COL22A1: variants seen among roughly 807,000 people sequenced by gnomAD.
COL22A1 encodes collagen type XXII alpha 1 chain.
Under a neutral mutation model 248.9 loss-of-function variants are expected in COL22A1, and 221 were observed. The observed-to-expected ratio is 0.89, with a 90% CI of 0.80 to 0.99. COL22A1 has a LOEUF of 0.99. Among genes scored for constraint, COL22A1 ranks in the 50% least tolerant of loss-of-function variants. The probability of loss-of-function intolerance (pLI) is 0.00; values close to 1 mark genes in which losing one functional copy is unlikely to be tolerated. For synonymous variants in COL22A1, 891 were observed against 793.4 expected (o/e 1.12, Z -2.07); for missense variants, 2,240 against 2,179.0 (o/e 1.03, Z -0.56).
At chr8:138,771,293 C>T (rs780485083) in intron 16 of COL22A1, among the ~76,000 whole-genome samples, 3 of 152,220 alleles carry the variant, frequency 2.0e-5, no homozygotes, top group Non-Finnish European at 2.9e-5. Context: ...AGGGGAAATA[C>T]GCCAGCATTC....
At chr8:138,653,065 C>A (rs1314892119) in intron 45 of COL22A1, among the ~76,000 whole-genome samples, 11 of 152,084 alleles carry the variant, frequency 7.2e-5, no homozygotes, top group Admixed American at 7.2e-4. Flanking sequence ...CTATTTTCAA[C>A]AAACTCAGCT....
At chr8:138,624,445 G>A (rs774097937) in intron 51 of COL22A1, among the ~76,000 whole-genome samples, 12 of 152,140 alleles carry the variant, frequency 7.9e-5, no homozygotes, top group Non-Finnish European at 1.6e-4. Flanking sequence ...GAAGTAACAT[G>A]ATCAGATTTC....
intron 1 of COL22A1, among the ~76,000 whole-genome samples, chr8:138,905,480 T>C (rs1039742417): frequency 5.3e-5 from 8 of 152,162 alleles, no homozygotes; most frequent in Non-Finnish European, 1.0e-4. Flanking sequence ...GAGCTCTGTT[T>C]CATACCGGGA....
chr8:138,677,631 A>C (rs1157626580), intron 40 of COL22A1, among the ~76,000 whole-genome samples: 1 of 152,264 alleles, frequency 6.6e-6, no homozygotes, highest in Non-Finnish European at 1.5e-5. Context: ...TTGTGTGTTG[A>C]AAATTTACAT....
chr8:138,796,585 A>C (rs1410164025), intron 12 of COL22A1, among the ~76,000 whole-genome samples: 2 of 151,166 alleles, frequency 1.3e-5, no homozygotes, highest in Non-Finnish European at 3.0e-5. Flanking sequence ...TCAATTCTCA[A>C]CCACCATTTT....
intron 10 of COL22A1, 56 bp from the exon 11 acceptor site, chr8:138,802,990 GCA>G: frequency 7.3e-7 from 1 of 1,367,704 alleles, no homozygotes; most frequent in South Asian, 1.2e-5. Flanking sequence ...CAGGGCTCTT[GCA>G]CACACAGGAC....
intron 5 of COL22A1, chr8:138,828,018 T>C (rs1216446684): frequency 6.6e-6 from 1 of 151,698 alleles, no homozygotes; most frequent in East Asian, 2.0e-4. Flanking sequence ...TCTCCCCATC[T>C]GCTTGACTCA....
At chr8:138,767,766 T>G (rs1038553400) in intron 16 of COL22A1, among the ~76,000 whole-genome samples, 2 of 152,128 alleles carry the variant, frequency 1.3e-5, no homozygotes, top group Admixed American at 1.3e-4. Flanking sequence ...GGCCACTTGC[T>G]GCGGTTCTGA....
chr8:138,807,747 C>G (rs770940880), intron 10 of COL22A1, 21 bp downstream of exon 10: 1 of 1,612,616 alleles, frequency 6.2e-7, no homozygotes, highest in South Asian at 1.1e-5. Context: ...TAAACTACAC[C>G]TCTGCCATGC....
At chr8:138,690,969 G>A (rs1028201582) in intron 35 of COL22A1, 95 bp from the exon 36 acceptor site, 19 of 964,314 alleles carry the variant, frequency 2.0e-5, no homozygotes, top group African/African-American at 8.3e-5. Flanking sequence ...TCAATTCACC[G>A]CAATGTGCTG....
intron 5 of COL22A1, among the ~76,000 whole-genome samples, chr8:138,828,612 T>A (rs978877373): frequency 4.6e-5 from 7 of 152,212 alleles, no homozygotes; most frequent in African/African-American, 1.7e-4. Flanking sequence ...ACAACTCTTT[T>A]CACATATTGC....
intron 3 of COL22A1, among the ~76,000 whole-genome samples, chr8:138,857,193 C>A (rs1276723513): frequency 6.6e-6 from 1 of 152,146 alleles, no homozygotes; most frequent in Non-Finnish European, 1.5e-5. Context: ...CACCTCCCCA[C>A]TCCTGTCCTG....
intron 22 of COL22A1, among the ~76,000 whole-genome samples, chr8:138,748,013 C>T (rs560024253): frequency 2.6e-5 from 4 of 152,244 alleles, no homozygotes; most frequent in African/African-American, 9.6e-5. Context: ...AAGTCCAGGT[C>T]GAAGCTGAGG....
At chr8:138,793,835 G>T (rs1816268401) in intron 12 of COL22A1, among the ~76,000 whole-genome samples, 1 of 152,222 alleles carries the variant, frequency 6.6e-6, no homozygotes, top group Non-Finnish European at 1.5e-5. Context: ...AGGGAGGAAG[G>T]AGGCTTCCGG....
At chr8:138,780,859 G>T (rs1001855837) in intron 13 of COL22A1, 68 bp downstream of exon 13, 17 of 1,335,012 alleles carry the variant, frequency 1.3e-5, no homozygotes, top group Non-Finnish European at 1.7e-5. Flanking sequence ...TAAGGACACG[G>T]GGTTCTGACC....
intron 21 of COL22A1, among the ~76,000 whole-genome samples, chr8:138,753,927 G>A (rs996428055): frequency 3.3e-5 from 5 of 152,130 alleles, no homozygotes; most frequent in East Asian, 1.9e-4. Context: ...TCCCCTTTAC[G>A]GAGCTCAGAG....
At chr8:138,662,923 G>A (rs1824099090) in intron 42 of COL22A1, among the ~76,000 whole-genome samples, 1 of 151,898 alleles carries the variant, frequency 6.6e-6, no homozygotes, top group Non-Finnish European at 1.5e-5. Flanking sequence ...GGGCGAGGCA[G>A]GAGGATTGCT....
chr8:138,911,936 A>C (rs899981178), intron 1 of COL22A1, among the ~76,000 whole-genome samples: 2 of 152,146 alleles, frequency 1.3e-5, no homozygotes, highest in African/African-American at 4.8e-5. Flanking sequence ...CAACAATATC[A>C]AAGTGACCAT....
At chr8:138,694,484 C>G (rs1827335518) in intron 34 of COL22A1, 24 bp downstream of exon 34, 1 of 1,611,910 alleles carries the variant, frequency 6.2e-7, no homozygotes, top group African/African-American at 1.3e-5. Flanking sequence ...TCTGAGCCAG[C>G]AGGGGAAGGG....
Sources: allele counts gnomAD v4.1 joint callset (sites outside exome capture counted in the v4.1 genomes callset), GRCh38; gene constraint gnomAD v4.1.1; transcripts MANE v1.5; gene names NCBI Gene and HGNC (gene_info 2026-07-23, HGNC 2026-07-21).